The following GAB1 variants were observed in gnomAD, a reference collection of about 807,000 sequenced individuals.
GAB1 encodes the protein GRB2 associated binding protein 1, also known as GRB2-associated-binding protein 1.
GAB1 carries 19 observed loss-of-function variants against 66.5 expected under a neutral mutation model. The ratio of observed to expected loss-of-function variants is 0.29; its 90% CI spans 0.20 to 0.42. The LOEUF (loss-of-function observed/expected upper bound fraction) is 0.42, where lower values mean the gene tolerates loss of function less well. Ranked by LOEUF, GAB1 falls within the 10% of genes least tolerant of loss-of-function variation. The pLI is 1.00. For synonymous variants in GAB1, 294 were observed against 301.4 expected (o/e 0.98, Z 0.25); for missense variants, 732 against 858.5 (o/e 0.85, Z 1.84).
rs1305025659 is a variant in GAB1, at chr4:143,433,588, T to A, written c.465T>A (p.Ser155=). ...APPSTQADSS[S]ATLPPPYQLI... is the part of the protein sequence containing the mutation. ...CATCCACCCAGGCAGATTCATCCTC[T>A]GCTACTCTACCTCCTCCATATCAGC... The change falls in exon 3 of 10, where the codon TCT becomes TCA. Residue 155 remains serine, a synonymous_variant. Coordinates refer to ENST00000262994, the MANE Select transcript of GAB1 (RefSeq NM_002039.4). The A allele has an allele frequency of 1.2e-6, 2 of 1,613,896 alleles. No individual in the cohort carries two copies. Among genetic ancestry groups the A allele is most frequent in the African/African-American group, 2.7e-5 (2 of 74,928 alleles).
chr4:143,359,306 C>T (rs981965708), intron 1 of GAB1, among the ~76,000 whole-genome samples: 1 of 152,162 alleles, frequency 6.6e-6, no homozygotes, highest in Non-Finnish European at 1.5e-5. Flanking sequence ...ATGTTTGATA[C>T]TGAAAGTAGA....
intron 4 of GAB1, among the ~76,000 whole-genome samples, chr4:143,439,368 T>A (rs1410580756): frequency 6.6e-6 from 1 of 152,234 alleles, no homozygotes; most frequent in African/African-American, 2.4e-5. Context: ...AAGATTTTAA[T>A]GTATCTGTGA....
At chr4:143,347,559 C>T (rs1306975592) in intron 1 of GAB1, among the ~76,000 whole-genome samples, 1 of 152,160 alleles carries the variant, frequency 6.6e-6, no homozygotes, top group Non-Finnish European at 1.5e-5. Context: ...AGATAAAATC[C>T]TTTCCGTCAG....
intron 1 of GAB1, among the ~76,000 whole-genome samples, chr4:143,391,869 AGT>A (rs1293830360): frequency 1.3e-5 from 2 of 152,286 alleles, no homozygotes; most frequent in Non-Finnish European, 1.5e-5. Context: ...CCAAGTTGTG[AGT>A]TAGAGAGCTA....
chr4:143,433,223 A>G (rs1360230961), intron 2 of GAB1, among the ~76,000 whole-genome samples: 3 of 152,332 alleles, frequency 2.0e-5, no homozygotes, highest in African/African-American at 7.2e-5. Flanking sequence ...CATAGCCTCA[A>G]AACTGAAGAC....
rs763441273 is a variant in GAB1, at chr4:143,440,274, G to C, written c.1477G>C (p.Ala493Pro). Reference sequence around the variant, plus strand: ...ATTTGGAATGCAAGTTCCTCCTCCTGCTCATATGGGCTTCAGGTCCAGCCC... The same window carrying C: ...ATTTGGAATGCAAGTTCCTCCTCCTCCTCATATGGGCTTCAGGTCCAGCCC... ...SSFGMQVPPP[A>P]HMGFRSSPKT... Residue 493 changes from alanine to proline, a missense_variant, in exon 6 of 10, where the codon GCT (alanine) becomes CCT (proline). Coordinates refer to ENST00000262994, the MANE Select transcript of GAB1 (RefSeq NM_002039.4). The C allele has an allele frequency of 1.2e-6, 2 of 1,614,060 alleles. No homozygotes were observed. The highest frequency in any genetic ancestry group is 1.7e-6 in the Non-Finnish European group (2 of 1,180,006).
In GAB1 at chr4:143,469,955, T is replaced by C. The variant is rs1376710146; in HGVS notation, c.*766T>C. Reference sequence around the variant, plus strand: ...CAGTGATGATGTGCTCTTACACTTGTTAACATGTATTAAGTGTTATTTGCA... The same window carrying C: ...CAGTGATGATGTGCTCTTACACTTGCTAACATGTATTAAGTGTTATTTGCA... On this transcript the variant is annotated 3_prime_UTR_variant, in exon 10 of 10. Transcript: ENST00000262994. 2 of 152,684 alleles carry C rather than the reference T, an allele frequency of 1.3e-5. No homozygotes were observed. Among genetic ancestry groups the C allele is most frequent in the African/African-American group, 4.8e-5 (2 of 41,458 alleles). The allele number at this position is 152,684 out of a possible 1,614,324, so 9.5% of individuals were successfully genotyped here. A position where few individuals can be genotyped will look rare whatever the true frequency, so the allele number is the denominator to read the frequency against.
At position 143,460,427 on chromosome 4, in the gene GAB1, C is replaced by G; in HGVS notation, c.1743C>G (p.Asp581Glu). Residue 581 changes from aspartate to glutamate, a missense_variant, in exon 8 of 10, where the codon GAC becomes GAG. By Grantham distance (45) the Asp-to-Glu change is conservative (BLOSUM62 2). Around this residue, in one of 4 missense-constraint regions of GAB1, gnomAD observed 204 missense variants for 276.8 expected, o/e 0.74. Transcript: ENST00000262994. ...DSVHSTTSSS[D>E]SHDSEENYVP... ...TGCATAGCACAACTTCAAGCAGTGA[C>G]TCACACGACAGTGAAGAGAATTATG... 6.2e-7 allele frequency: 1 copy of G among 1,613,430 alleles called. No homozygotes were observed. Among genetic ancestry groups the G allele is most frequent in the South Asian group, 1.1e-5 (1 of 91,072 alleles).
intron 1 of GAB1, among the ~76,000 whole-genome samples, chr4:143,359,038 C>A (rs947466022): frequency 6.6e-6 from 1 of 152,080 alleles, no homozygotes; most frequent in Admixed American, 6.5e-5. Flanking sequence ...TGGCTTGTCC[C>A]GTTTGGTAGG....
rs920959234 is a variant in GAB1, at chr4:143,396,847, A to G, written c.73-18630A>G. 3.9e-5 allele frequency among the ~76,000 whole-genome samples: 6 copies of G among 152,180 alleles called. No individual in the cohort carries two copies. In the East Asian group the frequency reaches 1.2e-3, roughly 29 times the overall value. ...GCACTGAGGCAGTGGAAGAGTGGCC[A>G]CTCAAGGGTGCAGTGGTCAGGGATG... On this transcript the variant is annotated intron_variant, in intron 1 of 9. Transcript: ENST00000262994.
chr4:143,442,973 T>C (rs1734318343), intron 6 of GAB1, among the ~76,000 whole-genome samples: 1 of 150,628 alleles, frequency 6.6e-6, no homozygotes, highest in Admixed American at 6.6e-5. Context: ...CCTGAAGTCA[T>C]AGTATTCAAA....
rs1413603126 is a variant in GAB1, at chr4:143,447,395, G to A, written c.1585+7013G>A. On this transcript the variant is annotated intron_variant, in intron 6 of 9. Coordinates refer to ENST00000262994, the MANE Select transcript of GAB1 (RefSeq NM_002039.4). ...ATAAATTACCTTGGGCAGTATGGCT[G>A]TTTTCACGATATTGATTCTTCCTAC... Among the ~76,000 whole-genome samples the A allele has an allele frequency of 1.4e-4, 22 of 152,160 alleles. No homozygotes were observed. The East Asian group carries it at 3.5e-3, about 24-fold the overall frequency.
chr4:143,404,870 T>C (rs565678141), intron 1 of GAB1, among the ~76,000 whole-genome samples: 2 of 152,318 alleles, frequency 1.3e-5, no homozygotes, highest in Non-Finnish European at 2.9e-5. Flanking sequence ...TTTCAAGTTT[T>C]GTAGTCACAT....
In GAB1 at chr4:143,440,345, A is replaced by AC. The variant is rs1182019563; in HGVS notation, c.1554dup (p.Val519ArgfsTer3). ...CAGTTCCTGTTGCAGACTGTGAACC[A>AC]CCCCCCGTGGATAGGAACCTCAAGC... is the stretch of plus-strand genomic sequence containing the variant. On this transcript the variant is annotated frameshift_variant, in exon 6 of 10. Coordinates refer to ENST00000262994, the MANE Select transcript of GAB1 (RefSeq NM_002039.4). LOFTEE classifies it high-confidence loss of function. The AC allele has an allele frequency of 6.2e-7, 1 of 1,613,572 alleles. No homozygotes were observed.
At chr4:143,466,364 A>G (rs928982185) in intron 9 of GAB1, 139 bp downstream of exon 9, 2 of 692,592 alleles carry the variant, frequency 2.9e-6, no homozygotes, top group Non-Finnish European at 4.3e-6. Context: ...ATGCTATCTC[A>G]TAAAACAAAA....
chr4:143,438,454 C>T lies in GAB1; in HGVS notation c.1049C>T (p.Pro350Leu). Residue 350 changes from proline (P) to leucine (L), a missense_variant, in exon 4 of 10, where the codon CCA becomes CTA. Coordinates refer to ENST00000262994, the MANE Select transcript of GAB1 (RefSeq NM_002039.4). ...CCACCTCGGCCACCGAAACCACATC[C>T]AGCTCATGACCGATCTCCTGTGGAA... The part of the protein sequence containing the change: ...IPPPRPPKPH[P>L]AHDRSPVETC... 4.3e-6 allele frequency: 7 copies of T among 1,614,058 alleles called. No homozygotes were observed. Among genetic ancestry groups the T allele is most frequent in the Non-Finnish European group, 5.9e-6 (7 of 1,180,014 alleles).
At chr4:143,425,347 C>T in intron 2 of GAB1, 1 of 765,152 alleles carries the variant, frequency 1.3e-6, no homozygotes, top group Non-Finnish European at 2.4e-6. Context: ...AATCCAATTG[C>T]TGGTCACTTC....
At position 143,438,273 on chromosome 4, in the gene GAB1, C is replaced by G; in HGVS notation, c.868C>G (p.Pro290Ala). ...TGGAGAACTCTATGTTTTTAATACC[C>G]CATCTGGGACATCGAGTGTAGAGAC... ...ADGELYVFNTPSGTSSVETQM... is the reference protein window; with the variant it reads ...ADGELYVFNTASGTSSVETQM... The change falls in exon 4 of 10, where the codon CCA becomes GCA. Residue 290 changes from proline to alanine, a missense_variant. Coordinates refer to ENST00000262994, the MANE Select transcript of GAB1 (RefSeq NM_002039.4). 6.2e-7 allele frequency: 1 copy of G among 1,613,920 alleles called. No individual in the cohort carries two copies. The highest frequency in any genetic ancestry group is 8.5e-7 in the Non-Finnish European group (1 of 1,179,862).
At chr4:143,444,022 G>A (rs912843141) in intron 6 of GAB1, among the ~76,000 whole-genome samples, 6 of 152,140 alleles carry the variant, frequency 3.9e-5, no homozygotes, top group Non-Finnish European at 7.3e-5. Flanking sequence ...TAAGAGAAAC[G>A]TATTTTAAGC....
Sources: gnomAD v4.1 joint callset for allele counts (sites outside exome capture counted in the v4.1 genomes callset) on GRCh38, gnomAD v4.1.1 for gene constraint, gnomAD v4.1.1 regional missense constraint, MANE v1.5 for transcripts, NCBI Gene and HGNC (gene_info 2026-07-23, HGNC 2026-07-21) for gene names.